ESRRG: variants seen among roughly 807,000 people sequenced by gnomAD.
The protein encoded by ESRRG is estrogen related receptor gamma, also known as estrogen-related receptor gamma.
ESRRG carries 13 observed loss-of-function variants against 44.0 expected under a neutral mutation model. The observed-to-expected ratio is 0.30, with a 90% CI of 0.19 to 0.47. The LOEUF (loss-of-function observed/expected upper bound fraction) is 0.47, where lower values mean the gene tolerates loss of function less well. Ranked by LOEUF, ESRRG falls within the 20% of genes least tolerant of loss-of-function variation. The probability of loss-of-function intolerance (pLI) is 1.00; values close to 1 mark genes in which losing one functional copy is unlikely to be tolerated. For missense variants in ESRRG, 395 were observed against 580.6 expected (o/e 0.68, Z 3.29); for synonymous variants, 215 against 214.6 (o/e 1.00, Z -0.02).
At chr1:216,931,850 A>AAAAAC (rs1403552484) in intron 2 of ESRRG, among the ~76,000 whole-genome samples, 21 of 147,048 alleles carry the variant, frequency 1.4e-4, no homozygotes, top group Admixed American at 1.2e-3. Flanking sequence ...AAAAAAAAAA[A>AAAAAC]CACAAAATAA....
chr1:216,621,070 C>T (rs2062153297), intron 3 of ESRRG, among the ~76,000 whole-genome samples: 1 of 152,066 alleles, frequency 6.6e-6, no homozygotes, highest in Admixed American at 6.6e-5. Flanking sequence ...GGATAAGATC[C>T]TAGAAGCAGC....
chr1:216,858,758 A>G (rs2095999321), intron 2 of ESRRG, among the ~76,000 whole-genome samples: 1 of 152,188 alleles, frequency 6.6e-6, no homozygotes, highest in Non-Finnish European at 1.5e-5. Context: ...GAATCACAGT[A>G]CTGATCACAT....
chr1:216,630,955 T>C (rs578186285), intron 3 of ESRRG, among the ~76,000 whole-genome samples: 2 of 152,296 alleles, frequency 1.3e-5, no homozygotes, highest in South Asian at 4.1e-4. Context: ...TGCATTTATC[T>C]CTTCAAATGT....
intron 1 of ESRRG, among the ~76,000 whole-genome samples, chr1:216,701,221 C>G (rs1199088695): frequency 6.6e-6 from 1 of 152,136 alleles, no homozygotes; most frequent in Non-Finnish European, 1.5e-5. Flanking sequence ...GACTTAACAT[C>G]CTTTAAGCAG....
chr1:217,047,400 C>T (rs187412939), intron 1 of ESRRG, among the ~76,000 whole-genome samples: 1 of 152,132 alleles, frequency 6.6e-6, no homozygotes, highest in East Asian at 1.9e-4. Flanking sequence ...ATCCATGAAA[C>T]CCAGAAACCT....
intron 2 of ESRRG, among the ~76,000 whole-genome samples, chr1:216,924,799 C>T (rs557083093): frequency 5.9e-5 from 9 of 152,172 alleles, no homozygotes; most frequent in Admixed American, 1.3e-4. Context: ...AACAGGAAGC[C>T]GTAGCGGGTG....
intron 1 of ESRRG, among the ~76,000 whole-genome samples, chr1:217,114,764 C>A (rs1215336348): frequency 1.4e-5 from 2 of 148,072 alleles, no homozygotes; most frequent in African/African-American, 5.0e-5. Flanking sequence ...TCAAGCAATT[C>A]TCCTGCCTCA....
intron 2 of ESRRG, among the ~76,000 whole-genome samples, chr1:216,893,787 C>T (rs578177156): frequency 7.2e-4 from 110 of 152,112 alleles, no homozygotes; most frequent in African/African-American, 2.5e-3. Flanking sequence ...TGACATGCTG[C>T]AAAGTAAAAT....
At chr1:216,940,665 A>T (rs2065067585) in intron 1 of ESRRG, among the ~76,000 whole-genome samples, 1 of 152,184 alleles carries the variant, frequency 6.6e-6, no homozygotes, top group South Asian at 2.1e-4. Flanking sequence ...TGGGGAGTGA[A>T]CACCTCAAAG....
At position 216,506,673 on chromosome 1, in the gene ESRRG, G is replaced by C; in HGVS notation, c.*266C>G. On this transcript the variant is annotated 3_prime_UTR_variant, in exon 7 of 7. Transcript: ENST00000408911. ...GAATGAAAGAAGCAAAGAAATAAGG[G>C]AGGTGAAAGAAGAAAAGGAGAAAAA... 1 of 550,918 alleles carries C rather than the reference G, an allele frequency of 1.8e-6. No individual in the cohort carries two copies. The allele number at this position is 550,918 out of a possible 1,614,324, so 34.1% of individuals were successfully genotyped here.
At chr1:216,600,989 G>T (rs2059145179) in intron 3 of ESRRG, among the ~76,000 whole-genome samples, 1 of 152,190 alleles carries the variant, frequency 6.6e-6, no homozygotes, top group South Asian at 2.1e-4. Flanking sequence ...GAGGGAGAAA[G>T]AGCTGCTTCG....
intron 1 of ESRRG, among the ~76,000 whole-genome samples, chr1:217,087,791 A>C (rs1281812347): frequency 1.3e-5 from 2 of 152,216 alleles, no homozygotes; most frequent in Non-Finnish European, 2.9e-5. Flanking sequence ...TAACAAAGCC[A>C]TGCGTAACAG....
intron 4 of ESRRG, among the ~76,000 whole-genome samples, chr1:216,565,486 C>G (rs2059529682): frequency 6.6e-6 from 1 of 152,170 alleles, no homozygotes; most frequent in Non-Finnish European, 1.5e-5. Flanking sequence ...GCCTCTCGCT[C>G]TAAGTTTTTA....
At chr1:217,072,003 T>G (rs1324337940) in intron 1 of ESRRG, among the ~76,000 whole-genome samples, 1 of 152,216 alleles carries the variant, frequency 6.6e-6, no homozygotes, top group Admixed American at 6.5e-5. Context: ...TTGTTACCAG[T>G]AATAAAGTAC....
intron 2 of ESRRG, among the ~76,000 whole-genome samples, chr1:216,917,146 T>C (rs905568824): frequency 3.3e-5 from 5 of 149,958 alleles, no homozygotes; most frequent in African/African-American, 1.2e-4. Context: ...TCCAGCAGCA[T>C]AAATAGACTT....
At chr1:216,683,281 T>C (rs1217486585) in intron 1 of ESRRG, among the ~76,000 whole-genome samples, 1 of 152,128 alleles carries the variant, frequency 6.6e-6, no homozygotes, top group Non-Finnish European at 1.5e-5. Context: ...ACCCACACGC[T>C]CAGAAAGATA....
chr1:217,004,336 G>A (rs2077444594), intron 1 of ESRRG, among the ~76,000 whole-genome samples: 1 of 152,048 alleles, frequency 6.6e-6, no homozygotes, highest in South Asian at 2.1e-4. Context: ...TTGAATCATG[G>A]GGATGGTTTC....
At chr1:216,860,278 A>G (rs2149087837) in intron 2 of ESRRG, among the ~76,000 whole-genome samples, 2 of 152,258 alleles carry the variant, frequency 1.3e-5, no homozygotes, top group Middle Eastern at 6.8e-3. Flanking sequence ...AAATAAATAC[A>G]TACATAAAAT....
chr1:216,819,234 C>A (rs969352208), intron 2 of ESRRG, among the ~76,000 whole-genome samples: 1 of 152,172 alleles, frequency 6.6e-6, no homozygotes, highest in Admixed American at 6.6e-5. Context: ...TTCTCCACAA[C>A]CACAACTCGC....
Sources: allele counts gnomAD v4.1 joint callset (sites outside exome capture counted in the v4.1 genomes callset), GRCh38; gene constraint gnomAD v4.1.1; transcripts MANE v1.5; gene names NCBI Gene and HGNC (gene_info 2026-07-23, HGNC 2026-07-21).